SNX25: variants seen among roughly 807,000 people sequenced by gnomAD.
SNX25 encodes sorting nexin-25.
A neutral mutation model predicts 113.7 loss-of-function variants in SNX25; 62 were observed. The observed-to-expected ratio is 0.55, with a 90% CI of 0.44 to 0.67. The LOEUF (loss-of-function observed/expected upper bound fraction) is 0.67, where lower values mean the gene tolerates loss of function less well. SNX25 is among the 30% of genes least tolerant of loss of function. SNX25 has a pLI of 0.00. For synonymous variants in SNX25, 421 were observed against 436.2 expected (o/e 0.97, Z 0.43); for missense variants, 1,014 against 1,161.0 (o/e 0.87, Z 1.84).
intron 5 of SNX25, among the ~76,000 whole-genome samples, chr4:185,280,789 A>G (rs922152019): frequency 6.6e-6 from 1 of 152,234 alleles, no homozygotes; most frequent in Non-Finnish European, 1.5e-5. Context: ...TATGTCAGTA[A>G]GAATGACAGA....
chr4:185,252,234 A>G (rs1404229697), intron 2 of SNX25, among the ~76,000 whole-genome samples: 1 of 152,210 alleles, frequency 6.6e-6, no homozygotes, highest in Non-Finnish European at 1.5e-5. Flanking sequence ...ATTAGAATCT[A>G]GAAATGTATA....
chr4:185,274,843 C>T (rs1393732923), intron 5 of SNX25, among the ~76,000 whole-genome samples: 1 of 152,160 alleles, frequency 6.6e-6, no homozygotes, highest in Non-Finnish European at 1.5e-5. Context: ...AGTAAACTGA[C>T]TTGCCCAGGA....
intron 5 of SNX25, among the ~76,000 whole-genome samples, chr4:185,276,727 A>G (rs1749743832): frequency 6.6e-6 from 1 of 152,180 alleles, no homozygotes; most frequent in African/African-American, 2.4e-5. Flanking sequence ...TTTCCCATCT[A>G]GCAATGCTGG....
In SNX25 at chr4:185,220,414, T is replaced by A. The variant is rs1425960393; in HGVS notation, c.429+10159T>A. Among the ~76,000 whole-genome samples, 26 of 152,138 alleles carry A rather than the reference T, an allele frequency of 1.7e-4. No individual in the cohort carries two copies. The South Asian group carries it at 5.2e-3, about 30-fold the overall frequency. On this transcript the variant is annotated intron_variant, in intron 1 of 18. Transcript: ENST00000652585. ...GTCATTTAGCATTAGGTATATCTCC[T>A]AATGCTTGTTCCTCTTGTTTCTGTG...
chr4:185,355,806 G>A (rs2095336238), intron 15 of SNX25, among the ~76,000 whole-genome samples: 1 of 152,148 alleles, frequency 6.6e-6, no homozygotes, highest in Non-Finnish European at 1.5e-5. Context: ...ATTAAATCAT[G>A]AGTCTCCCCA....
chr4:185,230,408 T>TC (rs397696754), intron 1 of SNX25, among the ~76,000 whole-genome samples: 2 of 151,388 alleles, frequency 1.3e-5, no homozygotes, highest in Non-Finnish European at 2.9e-5. Context: ...TTTTTTTTTT[T>TC]CCTCAACAGA....
Position 185,209,607 on chromosome 4 carries a change from A to G in SNX25, c.-220A>G. 4.8e-6 allele frequency: 2 copies of G among 414,282 alleles called. No homozygotes were observed. Among genetic ancestry groups the G allele is most frequent in the Non-Finnish European group, 3.2e-6 (1 of 307,924 alleles). 25.7% of individuals were successfully genotyped at this position (414,282 alleles called of 1,614,324 possible). ...AGGCTGGCCAGGCTTCAGTCACAAC[A>G]CGGTGGGGCTCCCTGGCTGCGCCCG... On this transcript the variant is annotated 5_prime_UTR_variant, in exon 1 of 19. Coordinates refer to ENST00000652585, the MANE Select transcript of SNX25 (RefSeq NM_001378034.2). The surrounding 1 kb of genome is among the most constrained non-coding windows in gnomAD (Gnocchi z 5.2).
chr4:185,245,868 A>G (rs1372528956), intron 1 of SNX25, among the ~76,000 whole-genome samples: 1 of 152,234 alleles, frequency 6.6e-6, no homozygotes, highest in South Asian at 2.1e-4. Context: ...ATTGACGTAT[A>G]TATAAAAACT....
At chr4:185,319,954 A>G (rs961720041) in intron 7 of SNX25, among the ~76,000 whole-genome samples, 6 of 152,330 alleles carry the variant, frequency 3.9e-5, no homozygotes, top group Middle Eastern at 3.4e-3. Context: ...CAGAATGGCA[A>G]TTATTAAAAA....
intron 11 of SNX25, among the ~76,000 whole-genome samples, chr4:185,340,930 A>G (rs750196969): frequency 6.6e-6 from 1 of 152,150 alleles, no homozygotes; most frequent in Non-Finnish European, 1.5e-5. Flanking sequence ...ACGTGCCTGT[A>G]TTCTGTGCTA....
intron 1 of SNX25, among the ~76,000 whole-genome samples, chr4:185,213,363 A>G (rs1323188026): frequency 6.6e-6 from 1 of 152,238 alleles, no homozygotes; most frequent in Non-Finnish European, 1.5e-5. Context: ...CATCTCAGAT[A>G]GAAACTTCAT....
chr4:185,239,255 G>A (rs1469636235), intron 1 of SNX25, among the ~76,000 whole-genome samples: 1 of 93,964 alleles, frequency 1.1e-5, no homozygotes, highest in Admixed American at 1.1e-4. Flanking sequence ...GCCAAGGCGG[G>A]CAGATCACTT....
intron 5 of SNX25, 115 bp from the exon 6 acceptor site, chr4:185,287,897 C>T: frequency 1.2e-6 from 1 of 819,732 alleles, no homozygotes; most frequent in Non-Finnish European, 1.9e-6. Flanking sequence ...GAGCCTTGGG[C>T]AGGATTCACA....
chr4:185,325,992 A>G (rs1335629506), intron 9 of SNX25, among the ~76,000 whole-genome samples: 1 of 152,244 alleles, frequency 6.6e-6, no homozygotes, highest in Non-Finnish European at 1.5e-5. Flanking sequence ...GTCCTGTTAC[A>G]AAAGAAAACA....
chr4:185,240,162 A>G (rs1247547437), intron 1 of SNX25, among the ~76,000 whole-genome samples: 1 of 151,706 alleles, frequency 6.6e-6, no homozygotes, highest in Non-Finnish European at 1.5e-5. Context: ...TCCCATGTCT[A>G]CCTCTTTCTA....
chr4:185,216,129 A>T (rs75347585), intron 1 of SNX25, among the ~76,000 whole-genome samples: 1 of 152,102 alleles, frequency 6.6e-6, no homozygotes, highest in Non-Finnish European at 1.5e-5. Flanking sequence ...AGTTTTTTCC[A>T]TAGGTTGCAC....
intron 6 of SNX25, among the ~76,000 whole-genome samples, chr4:185,290,106 A>G (rs1423622159): frequency 6.6e-6 from 1 of 152,166 alleles, no homozygotes; most frequent in East Asian, 1.9e-4. Context: ...CAAGGATGCC[A>G]GTCATACTGC....
chr4:185,369,045 C>T (rs981201711), intron 11 of SNX25, among the ~76,000 whole-genome samples: 3 of 152,010 alleles, frequency 2.0e-5, no homozygotes, highest in East Asian at 1.9e-4. Flanking sequence ...CCTCCCACCT[C>T]GGCCTCCCAA....
chr4:185,301,091 C>T (rs1753613759), intron 6 of SNX25, among the ~76,000 whole-genome samples: 1 of 151,978 alleles, frequency 6.6e-6, no homozygotes, highest in Non-Finnish European at 1.5e-5. Context: ...TGCCCCATAC[C>T]CCAAAAGAAG....
Sources: allele counts gnomAD v4.1 joint callset (sites outside exome capture counted in the v4.1 genomes callset), GRCh38; gene constraint gnomAD v4.1.1; non-coding constraint Gnocchi (gnomAD v3.1); transcripts MANE v1.5; gene names NCBI Gene and HGNC (gene_info 2026-07-23, HGNC 2026-07-21).